Variants in C8orf34 observed in about 807,000 individuals in gnomAD.
C8orf34 encodes uncharacterized protein C8orf34.
In C8orf34, 65 loss-of-function variants were observed where a neutral mutation model predicts 68.3. That is an observed-to-expected ratio of 0.95 (90% CI 0.78 to 1.17). The LOEUF (loss-of-function observed/expected upper bound fraction) is 1.17. C8orf34 is among the 50% of genes most tolerant of loss of function. C8orf34 has a pLI of 0.00. For synonymous variants in C8orf34, 244 were observed against 241.2 expected, an observed-to-expected ratio of 1.01 and a Z score of -0.11; for missense variants, 664 against 655.4, an observed-to-expected ratio of 1.01 and a Z score of -0.14.
At chr8:68,367,875 T>G (rs10957432) in intron 1 of C8orf34, among the ~76,000 whole-genome samples, 45,269 of 109,420 alleles carry the variant, frequency 0.41, 8,728 homozygotes, top group Middle Eastern at 0.46. Flanking sequence ...AATGTGCACA[T>G]GTACCCTAAA....
intron 1 of C8orf34, among the ~76,000 whole-genome samples, chr8:68,380,056 CT>C (rs1807967239): frequency 1.3e-5 from 2 of 152,130 alleles, no homozygotes; most frequent in Admixed American, 6.6e-5. Flanking sequence ...GAGATAGGAT[CT>C]CCCCGTGTTG....
intron 8 of C8orf34, among the ~76,000 whole-genome samples, chr8:68,700,887 T>A (rs1820996209): frequency 6.6e-6 from 1 of 152,130 alleles, no homozygotes. Flanking sequence ...TTTAACATTT[T>A]GAAAGAGACT....
In C8orf34 at chr8:68,787,549, T is replaced by C; in HGVS notation, c.1549+13T>C. On this transcript the variant is annotated intron_variant, in intron 12 of 13. Transcript: ENST00000518698. ...GAACAAGAGAAACGTGAGTAGACAC[T>C]ATTGTTTATTGACAAATTTCTTTTA... is the stretch of plus-strand genomic sequence containing the variant. The C allele has an allele frequency of 6.4e-7, 1 of 1,555,360 alleles. No homozygotes were observed. The highest frequency in any genetic ancestry group is 8.8e-7 in the Non-Finnish European group (1 of 1,138,690).
chr8:68,400,818 T>C (rs890966554), intron 1 of C8orf34, among the ~76,000 whole-genome samples: 1 of 152,194 alleles, frequency 6.6e-6, no homozygotes, highest in Non-Finnish European at 1.5e-5. Context: ...CCTTCAGCTT[T>C]GTTCTTTTTG....
chr8:68,372,542 G>A (rs1016712576), intron 1 of C8orf34, among the ~76,000 whole-genome samples: 1 of 152,144 alleles, frequency 6.6e-6, no homozygotes, highest in Non-Finnish European at 1.5e-5. Flanking sequence ...GCAATCAAGA[G>A]GGAGTAAGTC....
At chr8:68,553,405 A>AAAAAC (rs1275877093) in intron 7 of C8orf34, among the ~76,000 whole-genome samples, 23,095 of 141,062 alleles carry the variant, frequency 0.16, 2,937 homozygotes, top group African/African-American at 0.31. Flanking sequence ...AAAAAAAAAA[A>AAAAAC]AAAAACATAT....
At chr8:68,585,838 GAGAA>G (rs1250532091) in intron 7 of C8orf34, among the ~76,000 whole-genome samples, 7 of 152,136 alleles carry the variant, frequency 4.6e-5, no homozygotes, top group African/African-American at 1.7e-4. Flanking sequence ...GAGACAGAAA[GAGAA>G]AGAGAGGCAG....
chr8:68,596,726 T>C (rs1817556616), intron 7 of C8orf34, among the ~76,000 whole-genome samples: 1 of 152,144 alleles, frequency 6.6e-6, no homozygotes, highest in Non-Finnish European at 1.5e-5. Context: ...GAAGTAAACC[T>C]GCACAACTTT....
At chr8:68,625,891 G>A (rs1013714624) in intron 7 of C8orf34, among the ~76,000 whole-genome samples, 1 of 152,158 alleles carries the variant, frequency 6.6e-6, no homozygotes, top group Non-Finnish European at 1.5e-5. Context: ...TGTCATTTCA[G>A]ATTAACCACA....
intron 9 of C8orf34, among the ~76,000 whole-genome samples, chr8:68,714,192 A>C (rs1585770053): frequency 6.6e-6 from 1 of 152,168 alleles, no homozygotes; most frequent in Non-Finnish European, 1.5e-5. Context: ...TATACTGAAC[A>C]GGGAAAAATT....
chr8:68,516,626 A>G (rs1461794929), intron 5 of C8orf34, among the ~76,000 whole-genome samples: 1 of 150,734 alleles, frequency 6.6e-6, no homozygotes, highest in Non-Finnish European at 1.5e-5. Flanking sequence ...AATGCTATTT[A>G]TTTATTTATT....
chr8:68,546,323 T>G (rs1185709629), intron 7 of C8orf34, among the ~76,000 whole-genome samples: 3 of 151,888 alleles, frequency 2.0e-5, no homozygotes, highest in Non-Finnish European at 4.4e-5. Flanking sequence ...ACTATAAGAT[T>G]CACACTCTGA....
At chr8:68,507,353 T>G (rs554362156) in intron 5 of C8orf34, among the ~76,000 whole-genome samples, 2 of 152,350 alleles carry the variant, frequency 1.3e-5, no homozygotes, top group South Asian at 4.1e-4. Flanking sequence ...AAAGACAGTT[T>G]TTTGTTTGTT....
chr8:68,551,709 A>T (rs941083925), intron 7 of C8orf34, among the ~76,000 whole-genome samples: 1 of 152,066 alleles, frequency 6.6e-6, no homozygotes, highest in African/African-American at 2.4e-5. Flanking sequence ...CTATAGTCTC[A>T]TGATTGCATC....
chr8:68,369,800 GCC>G, intron 1 of C8orf34, among the ~76,000 whole-genome samples: 1 of 152,164 alleles, frequency 6.6e-6, no homozygotes, highest in South Asian at 2.1e-4. Context: ...CTGCACACTT[GCC>G]AGCCACTCAA....
chr8:68,551,869 C>A (rs185296579), intron 7 of C8orf34, among the ~76,000 whole-genome samples: 114 of 152,198 alleles, frequency 7.5e-4, no homozygotes, highest in African/African-American at 2.6e-3. Flanking sequence ...TACATTTATG[C>A]CCATGATTTC....
At chr8:68,354,842 C>T (rs1364839197) in intron 1 of C8orf34, among the ~76,000 whole-genome samples, 1 of 152,048 alleles carries the variant, frequency 6.6e-6, no homozygotes, top group Non-Finnish European at 1.5e-5. Flanking sequence ...CTTCATTGTG[C>T]ATCTGTGCAA....
intron 8 of C8orf34, among the ~76,000 whole-genome samples, chr8:68,643,750 T>G (rs778247433): frequency 3.3e-5 from 5 of 152,234 alleles, no homozygotes; most frequent in African/African-American, 1.2e-4. Context: ...CAGGGGGTTA[T>G]GTTTCAACAT....
intron 1 of C8orf34, among the ~76,000 whole-genome samples, chr8:68,394,736 A>C (rs1464288183): frequency 2.6e-5 from 4 of 152,130 alleles, no homozygotes; most frequent in Non-Finnish European, 5.9e-5. Flanking sequence ...TCCGTAATTT[A>C]GTACTAAAAA....
Sources: gnomAD v4.1 joint callset for allele counts (sites outside exome capture counted in the v4.1 genomes callset) on GRCh38, gnomAD v4.1.1 for gene constraint, MANE v1.5 for transcripts, NCBI Gene and HGNC (gene_info 2026-07-23, HGNC 2026-07-21) for gene names.